UBASH3A: variants seen among roughly 807,000 people sequenced by gnomAD.
The protein encoded by UBASH3A is ubiquitin-associated and SH3 domain-containing protein A.
A neutral mutation model predicts 73.5 loss-of-function variants in UBASH3A; 63 were observed. The observed-to-expected ratio is 0.86, with a 90% CI of 0.70 to 1.06. The LOEUF (loss-of-function observed/expected upper bound fraction) is 1.06, where lower values mean the gene tolerates loss of function less well. Among genes scored for constraint, UBASH3A ranks in the 50% least tolerant of loss-of-function variants. The pLI is 0.00. For synonymous variants in UBASH3A, 363 were observed against 351.1 expected, an observed-to-expected ratio of 1.03 and a Z score of -0.38; for missense variants, 860 against 859.0, an observed-to-expected ratio of 1.00 and a Z score of -0.02.
intron 7 of UBASH3A, among the ~76,000 whole-genome samples, chr21:42,420,564 A>G (rs1330302602): frequency 1.3e-5 from 2 of 152,206 alleles, no homozygotes; most frequent in African/African-American, 2.4e-5. Context: ...TTGATTTACT[A>G]CAATGAATTG....
At chr21:42,408,928 T>TAAAATAAAATAA (rs1353649629) in intron 2 of UBASH3A, among the ~76,000 whole-genome samples, 38 of 149,764 alleles carry the variant, frequency 2.5e-4, no homozygotes, top group African/African-American at 9.3e-4. Context: ...TAAAATAAAA[T>TAAAATAAAATAA]AAAATAAAAT....
intron 7 of UBASH3A, among the ~76,000 whole-genome samples, chr21:42,423,402 C>A (rs1015170783): frequency 6.6e-6 from 1 of 152,226 alleles, no homozygotes; most frequent in African/African-American, 2.4e-5. Flanking sequence ...GGCCAGGTGA[C>A]GTTGTACAAT....
In UBASH3A at chr21:42,434,903, G is replaced by A. The variant is rs1371705779; in HGVS notation, c.1342G>A (p.Glu448Lys). The A allele has an allele frequency of 6.2e-7, 1 of 1,614,082 alleles. No individual in the cohort carries two copies. Among genetic ancestry groups the A allele is most frequent in the East Asian group, 2.2e-5 (1 of 44,894 alleles). The change falls in exon 10 of 15, where the codon GAA becomes AAA. Residue 448 changes from glutamate (E) to lysine (K), a missense_variant. By Grantham distance (56) the Glu-to-Lys change is moderately conservative. Transcript: ENST00000319294. The part of the protein sequence containing the change: ...PRRSRGIKDF[E>K]NDPPLSSCGI... The stretch of plus-strand genomic sequence containing the variant: ...ACGGAGTCGTGGGATCAAAGACTTT[G>A]AAAACGATCCCCCATTATCATCGTG...
At chr21:42,439,013 A>G (rs1301097590) in intron 11 of UBASH3A, among the ~76,000 whole-genome samples, 4 of 152,060 alleles carry the variant, frequency 2.6e-5, no homozygotes, top group Admixed American at 2.0e-4. Context: ...AGTGGATTCA[A>G]TGCACACATG....
intron 9 of UBASH3A, among the ~76,000 whole-genome samples, chr21:42,433,137 C>A (rs911368098): frequency 2.0e-5 from 3 of 152,142 alleles, no homozygotes; most frequent in Admixed American, 2.0e-4. Flanking sequence ...GACAAAAGAT[C>A]AAGTCACTTA....
rs925531485 is a variant in UBASH3A at position 42,447,318 on chromosome 21, A to G, written c.*124A>G. 8 of 1,051,968 alleles carry G rather than the reference A, an allele frequency of 7.6e-6. No individual in the cohort carries two copies. Among genetic ancestry groups the G allele is most frequent in the Non-Finnish European group, 8.2e-6 (6 of 730,772 alleles). 65.2% of individuals were successfully genotyped at this position (1,051,968 alleles called of 1,614,324 possible). On this transcript the variant is annotated 3_prime_UTR_variant, in exon 15 of 15. Transcript: ENST00000319294. ...CCAATGTGATTTGTAGAAGCACGAG[A>G]CGCACTTTTATATCCCGGAATATTT...
In UBASH3A at chr21:42,413,622, C is replaced by A; in HGVS notation, c.667+99C>A. 3.3e-6 allele frequency: 3 copies of A among 897,884 alleles called. No homozygotes were observed. The highest frequency in any genetic ancestry group is 3.4e-6 in the Non-Finnish European group (2 of 591,468). The allele number at this position is 897,884 out of a possible 1,614,324, so 55.6% of individuals were successfully genotyped here. Reference sequence around the variant, plus strand: ...GGTTTTTAAAATGCTTAGCTATATGCCAACAGCCTGGGAAAGTGCCCCAGA... The same window carrying A: ...GGTTTTTAAAATGCTTAGCTATATGACAACAGCCTGGGAAAGTGCCCCAGA... On this transcript the variant is annotated intron_variant, in intron 5 of 14. Coordinates refer to ENST00000319294, the MANE Select transcript of UBASH3A (RefSeq NM_018961.4). This position sits in a 1 kb window ranked among gnomAD's most constrained non-coding sequence, Gnocchi z 4.5.
intron 7 of UBASH3A, among the ~76,000 whole-genome samples, 160 bp from the exon 8 acceptor site, chr21:42,426,537 C>T (rs1004548855): frequency 6.6e-5 from 10 of 152,238 alleles, no homozygotes; most frequent in Admixed American, 5.9e-4. Context: ...CTTCCTGAGT[C>T]CTGAGCACTT....
In UBASH3A at chr21:42,434,854, G is replaced by A. The variant is rs1307027752; in HGVS notation, c.1293G>A (p.Leu431=). Residue 431 remains leucine, a synonymous_variant, in exon 10 of 15, where the codon CTG becomes CTA. Coordinates refer to ENST00000319294, the MANE Select transcript of UBASH3A (RefSeq NM_018961.4). The part of the protein sequence containing the change: ...TPDGKYYRPD[L]NFPCSLPRRS... ...CAGGGAAATACTACAGGCCAGACCT[G>A]AATTTCCCCTGCAGTCTGCCAAGAC... 1 of 1,614,142 alleles carries A rather than the reference G, an allele frequency of 6.2e-7. No individual in the cohort carries two copies. The highest frequency in any genetic ancestry group is 1.7e-5 in the Admixed American group (1 of 60,018).
At chr21:42,424,767 A>C (rs2053405197) in intron 7 of UBASH3A, among the ~76,000 whole-genome samples, 1 of 152,202 alleles carries the variant, frequency 6.6e-6, no homozygotes. Context: ...CTGACCCCTA[A>C]CACCTCAGAA....
In UBASH3A at chr21:42,403,991, C is replaced by T; in HGVS notation, c.46C>T (p.Leu16Phe). 1 of 1,528,712 alleles carries T rather than the reference C, an allele frequency of 6.5e-7. No homozygotes were observed. Among genetic ancestry groups the T allele is most frequent in the Non-Finnish European group, 8.8e-7 (1 of 1,134,058 alleles). The allele number at this position is 1,528,712 out of a possible 1,614,324, so 94.7% of individuals were successfully genotyped here. ...TQLYAKVSNK[L>F]KSRSSPSLLE... ...GCTCTACGCCAAGGTCTCCAACAAG[C>T]TCAAGAGCCGCAGCAGCCCCTCGCT... is the stretch of plus-strand genomic sequence containing the variant. Residue 16 changes from leucine (L) to phenylalanine (F), a missense_variant, in exon 1 of 15, where the codon CTC becomes TTC. By Grantham distance (22) the Leu-to-Phe change is conservative. Coordinates refer to ENST00000319294, the MANE Select transcript of UBASH3A (RefSeq NM_018961.4).
intron 5 of UBASH3A, among the ~76,000 whole-genome samples, chr21:42,415,972 C>T (rs1295840579): frequency 1.3e-5 from 2 of 152,166 alleles, no homozygotes; most frequent in Non-Finnish European, 2.9e-5. Flanking sequence ...ACCTGAGGCT[C>T]AACCACTCCC....
intron 3 of UBASH3A, among the ~76,000 whole-genome samples, chr21:42,410,872 C>G (rs995454878): frequency 2.0e-5 from 3 of 151,932 alleles, no homozygotes; most frequent in Non-Finnish European, 2.9e-5. Context: ...CACATGCACA[C>G]AGATACACAC....
intron 7 of UBASH3A, among the ~76,000 whole-genome samples, 199 bp from the exon 8 acceptor site, chr21:42,426,498 A>G (rs113862835): frequency 0.057 from 8,670 of 152,366 alleles, 371 homozygotes; most frequent in Middle Eastern, 0.13. Context: ...GACGGTGATC[A>G]TTGTAATAAA....
chr21:42,417,816 G>A (rs2053245517), intron 6 of UBASH3A, among the ~76,000 whole-genome samples: 1 of 147,214 alleles, frequency 6.8e-6, no homozygotes, highest in South Asian at 2.2e-4. Context: ...AGACAAAAAA[G>A]TACCTAGATG....
At chr21:42,405,598 C>T (rs2052952431) in intron 1 of UBASH3A, among the ~76,000 whole-genome samples, 1 of 152,204 alleles carries the variant, frequency 6.6e-6, no homozygotes, top group Admixed American at 6.5e-5. Flanking sequence ...TAGCAGCATT[C>T]GGCATCATGT....
At chr21:42,410,481 T>C (rs891341301) in intron 3 of UBASH3A, 1 of 423,028 alleles carries the variant, frequency 2.4e-6, no homozygotes, top group Non-Finnish European at 4.2e-6. Flanking sequence ...GGGAAAAGAT[T>C]TCTGGAAGAT....
At position 42,443,529 on chromosome 21, in the gene UBASH3A, C is replaced by T. The variant is rs140176241; in HGVS notation, c.1738+111C>T. ...CTATGAATGCCCCTACTTCTCCTGCCTGCCCCCGCCCCCATTCTCCAGCAA... is the reference window on the plus strand; with the variant it reads ...CTATGAATGCCCCTACTTCTCCTGCTTGCCCCCGCCCCCATTCTCCAGCAA... On this transcript the variant is annotated intron_variant, in intron 13 of 14. Coordinates refer to ENST00000319294, the MANE Select transcript of UBASH3A (RefSeq NM_018961.4). 6.0e-4 allele frequency: 523 copies of T among 866,452 alleles called. 4 individuals carry two copies. In the African/African-American group the frequency reaches 6.5e-3, roughly 11 times the overall value. The allele number at this position is 866,452 out of a possible 1,614,324, so 53.7% of individuals were successfully genotyped here. A position where few individuals can be genotyped will look rare whatever the true frequency, so the allele number is the denominator to read the frequency against.
chr21:42,418,330 GC>G, intron 6 of UBASH3A, 70 bp from the exon 7 acceptor site: 1 of 1,371,222 alleles, frequency 7.3e-7, no homozygotes, highest in Non-Finnish European at 1.0e-6. Context: ...CAGGTGATAG[GC>G]CTCCTATTGC....
Sources: allele counts gnomAD v4.1 joint callset (sites outside exome capture counted in the v4.1 genomes callset), GRCh38; gene constraint gnomAD v4.1.1; non-coding constraint Gnocchi (gnomAD v3.1); transcripts MANE v1.5; gene names NCBI Gene and HGNC (gene_info 2026-07-23, HGNC 2026-07-21).